Variants in ZNF519 observed in about 807,000 individuals in gnomAD.
ZNF519 encodes the protein zinc finger protein 519.
ZNF519 carries 7 observed loss-of-function variants against 7.4 expected under a neutral mutation model. The ratio of observed to expected loss-of-function variants is 0.94; its 90% CI spans 0.54 to 1.77. The LOEUF (loss-of-function observed/expected upper bound fraction) is 1.77. Ranked by LOEUF, ZNF519 falls within the 40% of genes most tolerant of loss-of-function variation. The pLI is 0.00. For synonymous variants in ZNF519, 179 were observed against 203.3 expected (o/e 0.88, Z 1.02); for missense variants, 586 against 623.1 (o/e 0.94, Z 0.63).
chr18:14,072,794 G>C (rs1228585321), downstream of ZNF519: 2 of 152,070 alleles, frequency 1.3e-5, no homozygotes, highest in Admixed American at 6.6e-5. Context: ...ATTCCCGCTG[G>C]TCTCACAGTT....
rs1400621957 is a variant in ZNF519, at chr18:14,101,023, T to C, written c.*3894A>G. 6.6e-6 allele frequency: 1 copy of C among 152,412 alleles called. No individual in the cohort carries two copies. Among genetic ancestry groups the C allele is most frequent in the South Asian group, 2.1e-4 (1 of 4,830 alleles). 9.4% of individuals were successfully genotyped at this position (152,412 alleles called of 1,614,324 possible). A position where few individuals can be genotyped will look rare whatever the true frequency, so the allele number is the denominator to read the frequency against. ...AAACAATCATATCATGTTAGGCTTCTTAGAACCCCAGTTCCAAAGAAGCAA... is the reference window on the plus strand; with the variant it reads ...AAACAATCATATCATGTTAGGCTTCCTAGAACCCCAGTTCCAAAGAAGCAA... On this transcript the variant is annotated 3_prime_UTR_variant, in exon 3 of 3. Coordinates refer to ENST00000590202, the MANE Select transcript of ZNF519 (RefSeq NM_145287.4).
chr18:14,085,421 A>C (rs756288699), intron 2 of ZNF519, among the ~76,000 whole-genome samples: 1 of 151,902 alleles, frequency 6.6e-6, no homozygotes, highest in African/African-American at 2.4e-5. Flanking sequence ...TTGGAAAAAA[A>C]ATTTTTGGAA....
chr18:14,100,783 A>G lies in ZNF519; in HGVS notation c.*4134T>C, dbSNP rs1174359238. ...ATTGCACAGAACACACACACATAAGAAAAAATTAATCTGGTAAAATGCAAA... is the reference window on the plus strand; with the variant it reads ...ATTGCACAGAACACACACACATAAGGAAAAATTAATCTGGTAAAATGCAAA... On this transcript the variant is annotated 3_prime_UTR_variant, in exon 3 of 3. Coordinates refer to ENST00000590202, the MANE Select transcript of ZNF519 (RefSeq NM_145287.4). 1 of 152,192 alleles carries G rather than the reference A, an allele frequency of 6.6e-6. No individual in the cohort carries two copies. The highest frequency in any genetic ancestry group is 1.5e-5 in the Non-Finnish European group (1 of 68,042). 9.4% of individuals were successfully genotyped at this position (152,192 alleles called of 1,614,324 possible). A position where few individuals can be genotyped will look rare whatever the true frequency, so the allele number is the denominator to read the frequency against.
rs534490553 is a variant in ZNF519, at chr18:14,124,413, G to C, written c.67C>G (p.Pro23Ala). 179 of 1,612,782 alleles carry C rather than the reference G, an allele frequency of 1.1e-4. No individual in the cohort carries two copies. The highest frequency in any genetic ancestry group is 2.4e-4 in the South Asian group (22 of 90,784). ...FSPEEWKCLDPAQQNLYRDVM... is the reference protein window; with the variant it reads ...FSPEEWKCLDAAQQNLYRDVM... ...TCTCTATATAAATTCTGTTGGGCAG[G>C]GTCTAGGCATTTCCACTCTTCTGGA... The change falls in exon 2 of 3, where the codon CCT becomes GCT. Residue 23 changes from proline (P) to alanine (A), a missense_variant. Pro to Ala is a conservative substitution (Grantham distance 27, BLOSUM62 -1). Transcript: ENST00000590202.
In ZNF519 at chr18:14,125,356, A is replaced by G. The variant is rs542584465; in HGVS notation, c.4-880T>C. On this transcript the variant is annotated intron_variant, in intron 1 of 2. Transcript: ENST00000590202. ...TTATGGAGCATGTACTATGTGCCCA[A>G]GAGTATGTCACAGAGCACTGTGCTG... Among the ~76,000 whole-genome samples, 5 of 152,342 alleles carry G rather than the reference A, an allele frequency of 3.3e-5. No individual in the cohort carries two copies. In the East Asian group the frequency reaches 9.6e-4, roughly 29 times the overall value.
Position 14,105,856 on chromosome 18 carries a change from T to C in ZNF519, c.684A>G (p.Gln228=). The change falls in exon 3 of 3, where the codon CAA becomes CAG. Residue 228 remains glutamine, a synonymous_variant. Coordinates refer to ENST00000590202, the MANE Select transcript of ZNF519 (RefSeq NM_145287.4). The stretch of plus-strand genomic sequence containing the variant: ...GTGAGCTCTCTCCAATATAAATTCT[T>C]TGATGTTGAGTAAGCTTTGAGAATG... ...SDPFSKLTQH[Q]RIYIGESSQR... is the part of the protein sequence containing the mutation. 6.2e-7 allele frequency: 1 copy of C among 1,601,690 alleles called. No homozygotes were observed. The highest frequency in any genetic ancestry group is 1.8e-5 in the Admixed American group (1 of 56,484).
chr18:14,104,751 T>G lies in ZNF519; in HGVS notation c.*166A>C. ...AGTAATTTACGGAAGTGCTAGCACC[T>G]TAGTTCTTTCTAAAGTGACACTTCT... is the stretch of plus-strand genomic sequence containing the variant. On this transcript the variant is annotated 3_prime_UTR_variant, in exon 3 of 3. Coordinates refer to ENST00000590202, the MANE Select transcript of ZNF519 (RefSeq NM_145287.4). The G allele has an allele frequency of 1.5e-6, 1 of 675,854 alleles. No individual in the cohort carries two copies. Among genetic ancestry groups the G allele is most frequent in the Non-Finnish European group, 2.2e-6 (1 of 446,424 alleles). The allele number at this position is 675,854 out of a possible 1,614,324, so 41.9% of individuals were successfully genotyped here.
downstream of ZNF519, among the ~76,000 whole-genome samples, chr18:14,097,320 T>C (rs1284374408): frequency 6.6e-6 from 1 of 152,204 alleles, no homozygotes; most frequent in Non-Finnish European, 1.5e-5. Flanking sequence ...TACAGCCCTA[T>C]ATAAGCACAA....
At chr18:14,119,590 T>C (rs901809867) in intron 2 of ZNF519, among the ~76,000 whole-genome samples, 1 of 152,178 alleles carries the variant, frequency 6.6e-6, no homozygotes, top group African/African-American at 2.4e-5. Context: ...AATAAATGCA[T>C]TTATTAAAGT....
At chr18:14,132,195 T>C (rs1476584702) in intron 1 of ZNF519, 80 bp downstream of exon 1, 19 of 1,547,298 alleles carry the variant, frequency 1.2e-5, no homozygotes, top group Non-Finnish European at 1.7e-5. Context: ...ACTCGCAGAC[T>C]AGGTCCCGTC....
At position 14,101,171 on chromosome 18, in the gene ZNF519, TG is replaced by T; in HGVS notation, c.*3745del. The T allele has an allele frequency of 6.5e-6, 1 of 153,716 alleles. No individual in the cohort carries two copies. Among genetic ancestry groups the T allele is most frequent in the Non-Finnish European group, 1.4e-5 (1 of 69,038 alleles). The allele number at this position is 153,716 out of a possible 1,614,324, so 9.5% of individuals were successfully genotyped here. A position where few individuals can be genotyped will look rare whatever the true frequency, so the allele number is the denominator to read the frequency against. On this transcript the variant is annotated 3_prime_UTR_variant, in exon 3 of 3. Transcript: ENST00000590202. ...GGCAGCAGGTCCAGGAGCTGTTGGG[TG>T]GGGGTGAACTCTCTCTAGGTGCACA...
At chr18:14,126,160 T>C (rs577113620) in intron 1 of ZNF519, among the ~76,000 whole-genome samples, 16 of 152,306 alleles carry the variant, frequency 1.1e-4, no homozygotes, top group African/African-American at 3.4e-4. Context: ...GGATCAGACC[T>C]GGAGAAAGTT....
chr18:14,121,492 A>C (rs1289586211), intron 2 of ZNF519, among the ~76,000 whole-genome samples: 3 of 152,154 alleles, frequency 2.0e-5, no homozygotes, highest in Non-Finnish European at 2.9e-5. Flanking sequence ...TATCTGAAAA[A>C]TCCATGCCAC....
At chr18:14,111,661 T>C (rs1289995327) in intron 2 of ZNF519, among the ~76,000 whole-genome samples, 1 of 152,066 alleles carries the variant, frequency 6.6e-6, no homozygotes, top group Non-Finnish European at 1.5e-5. Flanking sequence ...AGCAGATAGA[T>C]GCCATAAATT....
chr18:14,122,277 T>G (rs1291196070), intron 2 of ZNF519: 1 of 152,198 alleles, frequency 6.6e-6, no homozygotes, highest in African/African-American at 2.4e-5. Flanking sequence ...ATGCTTATTG[T>G]TCTGATAAAA....
chr18:14,073,328 T>G (rs542200698), downstream of ZNF519: 2 of 152,228 alleles, frequency 1.3e-5, no homozygotes, highest in South Asian at 4.1e-4. Context: ...TGGAGTGCAG[T>G]GGCACAATCT....
intron 2 of ZNF519, among the ~76,000 whole-genome samples, chr18:14,113,235 G>C (rs1598518783): frequency 6.6e-6 from 1 of 152,166 alleles, no homozygotes; most frequent in East Asian, 1.9e-4. Context: ...AAGTCAAGCT[G>C]GGAACCGCTT....
intron 2 of ZNF519, among the ~76,000 whole-genome samples, chr18:14,109,950 T>C (rs1265682121): frequency 6.6e-6 from 1 of 152,142 alleles, no homozygotes; most frequent in South Asian, 2.1e-4. Flanking sequence ...ACTACAAAGC[T>C]ATAGCTACCA....
intron 2 of ZNF519, among the ~76,000 whole-genome samples, chr18:14,087,981 A>G (rs2046098658): frequency 6.6e-6 from 1 of 152,168 alleles, no homozygotes; most frequent in Non-Finnish European, 1.5e-5. Flanking sequence ...GAATGGAACT[A>G]TGTAGAGAGA....
Sources: gnomAD v4.1 joint callset for allele counts (sites outside exome capture counted in the v4.1 genomes callset) on GRCh38, gnomAD v4.1.1 for gene constraint, MANE v1.5 for transcripts, NCBI Gene and HGNC (gene_info 2026-07-23, HGNC 2026-07-21) for gene names.